Variants in SLC16A3 observed in about 807,000 individuals in gnomAD.
SLC16A3 encodes solute carrier family 16 member 3, also known as monocarboxylate transporter 4.
SLC16A3 carries 22 observed loss-of-function variants against 25.0 expected under a neutral mutation model. The ratio of observed to expected loss-of-function variants is 0.88; its 90% confidence interval spans 0.63 to 1.26. SLC16A3 has a LOEUF of 1.26. Ranked by LOEUF, SLC16A3 falls within the 50% of genes most tolerant of loss-of-function variation. The probability of loss-of-function intolerance (pLI) is 0.00; values close to 1 mark genes in which losing one functional copy is unlikely to be tolerated. For missense variants in SLC16A3, 731 were observed against 666.6 expected, an observed-to-expected ratio of 1.10 and a Z score of -1.06; for synonymous variants, 390 against 309.2, an observed-to-expected ratio of 1.26 and a Z score of -2.74.
At chr17:82,237,057 G>C (rs558362694) in intron 3 of SLC16A3, 81 bp from the exon 4 acceptor site, 727 of 1,460,278 alleles carry the variant, frequency 5.0e-4, no homozygotes, top group Non-Finnish European at 6.2e-4. Flanking sequence ...GCCTGAGCCT[G>C]TGGGAACCTG....
chr17:82,237,960 G>T (rs1009411071), intron 4 of SLC16A3, 67 bp downstream of exon 4: 70 of 1,536,210 alleles, frequency 4.6e-5, no homozygotes, highest in East Asian at 4.5e-5. Flanking sequence ...CTTTGCGAGG[G>T]GGGGGACGCG....
intron 1 of SLC16A3, chr17:82,231,635 C>T (rs371504186): frequency 2.6e-5 from 4 of 152,266 alleles, no homozygotes; most frequent in African/African-American, 9.6e-5. Context: ...CTCTGAGACC[C>T]CGCAGTGCCA....
At chr17:82,220,431 T>A (rs2050382141) in intron 1 of SLC16A3, among the ~76,000 whole-genome samples, 1 of 152,168 alleles carries the variant, frequency 6.6e-6, no homozygotes, top group Non-Finnish European at 1.5e-5. Flanking sequence ...CACTCCAGCT[T>A]AAACATGGAA....
Position 82,239,091 on chromosome 17 carries a change from G to C in SLC16A3, c.*115G>C, listed in dbSNP as rs968412105. The stretch of plus-strand genomic sequence containing the variant: ...GGGCCACGGCTGGGCTCCAGCTGCC[G>C]GCCCAGCGGATCGTCGCCCGATCAG... On this transcript the variant is annotated 3_prime_UTR_variant, in exon 5 of 5. Coordinates refer to ENST00000582743, the MANE Select transcript of SLC16A3 (RefSeq NM_004207.4). 9.5e-7 allele frequency: 1 copy of C among 1,049,628 alleles called. No individual in the cohort carries two copies. Among genetic ancestry groups the C allele is most frequent in the Non-Finnish European group, 1.3e-6 (1 of 749,536 alleles). The allele number at this position is 1,049,628 out of a possible 1,614,324, so 65.0% of individuals were successfully genotyped here.
Position 82,237,826 on chromosome 17 carries a change from C to G in SLC16A3, c.1056C>G (p.Phe352Leu). The G allele has an allele frequency of 6.2e-7, 1 of 1,608,824 alleles. No individual in the cohort carries two copies. Among genetic ancestry groups the G allele is most frequent in the South Asian group, 1.1e-5 (1 of 91,082 alleles). ...VLMAIVGTHK[F>L]SSAIGLVLLM... The stretch of plus-strand genomic sequence containing the variant: ...TGGCCATCGTGGGCACCCACAAGTT[C>G]TCCAGTGCCATTGGCCTGGTGCTGC... Residue 352 changes from phenylalanine (F) to leucine (L), a missense_variant, in exon 4 of 5, where the codon TTC (phenylalanine) becomes TTG (leucine). Phe to Leu is a conservative substitution (Grantham distance 22). Transcript: ENST00000582743.
In SLC16A3 at chr17:82,219,721, G is replaced by A. The variant is rs540585608; in HGVS notation, c.-27+1537G>A. Among the ~76,000 whole-genome samples, 10 of 152,246 alleles carry A rather than the reference G, an allele frequency of 6.6e-5. No homozygotes were observed. The East Asian group carries it at 1.2e-3, about 18-fold the overall frequency. On this transcript the variant is annotated intron_variant, in intron 1 of 4. Coordinates refer to the SLC16A3 transcript ENST00000580098. ...GGCCAAAGGGTGCAAAGAGGGGGCT[G>A]GGGGGCTGCACTGAAAGGCGGGGGG...
upstream of SLC16A3, among the ~76,000 whole-genome samples, chr17:82,224,993 G>A (rs2050413300): frequency 6.6e-6 from 1 of 152,210 alleles, no homozygotes; most frequent in South Asian, 2.1e-4. Context: ...AGGACCAGCA[G>A]CCAGGTTAAT....
intron 1 of SLC16A3, among the ~76,000 whole-genome samples, chr17:82,222,341 A>T (rs2050394528): frequency 6.6e-6 from 1 of 152,244 alleles, no homozygotes; most frequent in African/African-American, 2.4e-5. Context: ...CTACATTCAC[A>T]CCAAAGAGAA....
chr17:82,233,411 G>A lies in SLC16A3; in HGVS notation c.-26-2572G>A, dbSNP rs117143275. On this transcript the variant is annotated intron_variant, in intron 1 of 4. Transcript: ENST00000582743. ...CATGCTGTGCTCTCCTGGTCAGTGA[G>A]TCCTGGCACTGCCCCAACCCTCTGC... Among the ~76,000 whole-genome samples, 834 of 152,290 alleles carry A rather than the reference G, an allele frequency of 5.5e-3. 58 individuals are homozygous for A. The East Asian group carries it at 0.13, about 24-fold the overall frequency.
upstream of SLC16A3, chr17:82,228,885 G>C (rs2050448260): frequency 6.6e-6 from 1 of 150,686 alleles, no homozygotes; most frequent in South Asian, 1.9e-4. Flanking sequence ...GGGGTTGCGG[G>C]ACGCGCCGTC....
intron 4 of SLC16A3, among the ~76,000 whole-genome samples, chr17:82,238,371 G>C (rs554646549): frequency 6.6e-6 from 1 of 152,294 alleles, no homozygotes; most frequent in East Asian, 1.9e-4. Flanking sequence ...CACAGGGCTG[G>C]TACTGAACAC....
chr17:82,228,206 G>T (rs1235911199), upstream of SLC16A3, among the ~76,000 whole-genome samples: 1 of 152,268 alleles, frequency 6.6e-6, no homozygotes, highest in African/African-American at 2.4e-5. Flanking sequence ...ACCCAAAGCG[G>T]CCCGTTATTT....
At chr17:82,236,401 C>A (rs549410001) in intron 2 of SLC16A3, 170 bp downstream of exon 2, 33 of 686,668 alleles carry the variant, frequency 4.8e-5, no homozygotes, top group Non-Finnish European at 7.6e-5. Flanking sequence ...CTCCACGGGG[C>A]CAACCCAGGC....
chr17:82,222,367 C>A (rs1399485470), intron 1 of SLC16A3, among the ~76,000 whole-genome samples: 1 of 152,260 alleles, frequency 6.6e-6, no homozygotes, highest in South Asian at 2.1e-4. Flanking sequence ...GACATCTGTT[C>A]ACACAAATAC....
rs769681096 is a variant in SLC16A3, at chr17:82,238,700, A to ATGAGCGGCTG, written c.1124-2_1124-1insTGAGCGGCTG. 1 of 1,605,240 alleles carries ATGAGCGGCTG rather than the reference A, an allele frequency of 6.2e-7. No individual in the cohort carries two copies. Among genetic ancestry groups the ATGAGCGGCTG allele is most frequent in the South Asian group, 1.1e-5 (1 of 90,184 alleles). Reference sequence around the variant, plus strand: ...GCTGGGACTGACGGGGTCTTCCCGCAGGCAAACTCCTGGATGCGACCCACG... The same window carrying ATGAGCGGCTG: ...GCTGGGACTGACGGGGTCTTCCCGCATGAGCGGCTGGGCAAACTCCTGGATGCGACCCACG... On this transcript the variant is annotated splice_acceptor_variant, in intron 4 of 4. Transcript: ENST00000582743. LOFTEE classifies it high-confidence loss of function.
chr17:82,237,003 C>A, intron 3 of SLC16A3, 131 bp downstream of exon 3: 1 of 1,462,794 alleles, frequency 6.8e-7, no homozygotes, highest in African/African-American at 1.4e-5. Context: ...ACCTCGTTGT[C>A]CCCCTCTCGA....
chr17:82,229,007 G>A (rs1290953990), upstream of SLC16A3: 2 of 149,870 alleles, frequency 1.3e-5, no homozygotes, highest in African/African-American at 4.9e-5. Flanking sequence ...CCAGCGACCC[G>A]AGCACTTAAA....
In SLC16A3 at chr17:82,239,257, C is replaced by G. The variant is rs2050701921; in HGVS notation, c.*281C>G. 8.9e-6 allele frequency: 2 copies of G among 224,528 alleles called. No homozygotes were observed. The highest frequency in any genetic ancestry group is 1.7e-5 in the Non-Finnish European group (2 of 117,022). 13.9% of individuals were successfully genotyped at this position (224,528 alleles called of 1,614,324 possible). A position where few individuals can be genotyped will look rare whatever the true frequency, so the allele number is the denominator to read the frequency against. ...CAGGTGGCCTGCGGCCACTGCTATG[C>G]TCAAGGACCTGGAAACCCATGCTTC... On this transcript the variant is annotated 3_prime_UTR_variant, in exon 5 of 5. Coordinates refer to ENST00000582743, the MANE Select transcript of SLC16A3 (RefSeq NM_004207.4).
chr17:82,228,778 G>A (rs1458120354), upstream of SLC16A3, among the ~76,000 whole-genome samples: 1 of 152,102 alleles, frequency 6.6e-6, no homozygotes, highest in Non-Finnish European at 1.5e-5. Flanking sequence ...AGGCGAGGCC[G>A]GGAAGACCCA....
Sources: gnomAD v4.1 joint callset for allele counts (sites outside exome capture counted in the v4.1 genomes callset) on GRCh38, gnomAD v4.1.1 for gene constraint, MANE v1.5 for transcripts, NCBI Gene and HGNC (gene_info 2026-07-23, HGNC 2026-07-21) for gene names.